The following METTL2B variants were observed in gnomAD, a reference collection of about 807,000 sequenced individuals.
METTL2B encodes the protein methyltransferase 2B, tRNA N3-cytidine.
Under a neutral mutation model 51.0 loss-of-function variants are expected in METTL2B, and 28 were observed. The observed-to-expected ratio is 0.55, with a 90% CI of 0.41 to 0.75. The LOEUF is 0.75. Ranked by LOEUF, METTL2B falls within the 30% of genes least tolerant of loss-of-function variation. The probability of loss-of-function intolerance (pLI) is 0.00; values close to 1 mark genes in which losing one functional copy is unlikely to be tolerated. For synonymous variants in METTL2B, 128 were observed against 166.3 expected (o/e 0.77, Z 1.77); for missense variants, 313 against 460.7 (o/e 0.68, Z 2.93).
In METTL2B at chr7:128,494,036, A is replaced by G. The variant is rs1290390613; in HGVS notation, c.809+93A>G. The G allele has an allele frequency of 2.0e-6, 3 of 1,482,484 alleles. No homozygotes were observed. In the African/African-American group the frequency reaches 4.2e-5, roughly 21 times the overall value. The allele number at this position is 1,482,484 out of a possible 1,614,324, so 91.8% of individuals were successfully genotyped here. Reference sequence around the variant, plus strand: ...AAATAGGGTCTTGCTCCGTCAGCCCAGGCTGGAGTGCAGTGGCACGATCAT... The same window carrying G: ...AAATAGGGTCTTGCTCCGTCAGCCCGGGCTGGAGTGCAGTGGCACGATCAT... On this transcript the variant is annotated intron_variant, in intron 6 of 8. Coordinates refer to ENST00000262432, the MANE Select transcript of METTL2B (RefSeq NM_018396.3).
At chr7:128,477,021 C>A in intron 1 of METTL2B, 61 bp from the exon 2 acceptor site, 8 of 1,562,272 alleles carry the variant, frequency 5.1e-6, no homozygotes, top group Non-Finnish European at 6.1e-6. Flanking sequence ...CCTAGGCCAG[C>A]GACTCACCCT....
At chr7:128,484,645 T>A (rs1001476506) in intron 4 of METTL2B, among the ~76,000 whole-genome samples, 1 of 152,030 alleles carries the variant, frequency 6.6e-6, no homozygotes, top group Non-Finnish European at 1.5e-5. Flanking sequence ...CGGGCTGGAG[T>A]GCAGTGGCAC....
At chr7:128,480,624 T>A in intron 3 of METTL2B, 23 bp from the exon 4 acceptor site, 1 of 1,596,920 alleles carries the variant, frequency 6.3e-7, no homozygotes. Flanking sequence ...GTTCTGTGAT[T>A]AATAGTTCAT....
chr7:128,482,571 T>C (rs61556684), intron 4 of METTL2B, among the ~76,000 whole-genome samples: 10,586 of 152,246 alleles, frequency 0.07, 774 homozygotes, highest in East Asian at 0.26. Context: ...TCTTGCTCTG[T>C]TGCCCAGGCT....
chr7:128,498,449 A>C (rs1355304538), intron 7 of METTL2B, among the ~76,000 whole-genome samples: 1 of 151,994 alleles, frequency 6.6e-6, no homozygotes, highest in East Asian at 1.9e-4. Context: ...ATATGTATCA[A>C]ACCTGTATGT....
Position 128,476,878 on chromosome 7 carries a change from A to G in METTL2B, c.110+3A>G. On this transcript the variant is annotated splice_donor_region_variant and intron_variant, in intron 1 of 8. Transcript: ENST00000262432. ...CGCGTCTTCCACCACAATGCCTGGTAATCACCCTGCCCCCTCGCCCGGCCT... is the reference window on the plus strand; with the variant it reads ...CGCGTCTTCCACCACAATGCCTGGTGATCACCCTGCCCCCTCGCCCGGCCT... The G allele has an allele frequency of 6.2e-7, 1 of 1,613,972 alleles. No individual in the cohort carries two copies. Among genetic ancestry groups the G allele is most frequent in the Non-Finnish European group, 8.5e-7 (1 of 1,179,944 alleles).
intron 6 of METTL2B, among the ~76,000 whole-genome samples, chr7:128,494,231 A>G (rs974140048): frequency 5.9e-5 from 9 of 151,994 alleles, no homozygotes; most frequent in South Asian, 2.1e-4. Context: ...GGCTCAAGCA[A>G]TCCTCCCACC....
chr7:128,501,793 A>G lies in METTL2B; in HGVS notation c.1014A>G (p.Gly338=), dbSNP rs1181937544. ...TGGACACGCTTTTCACCACTGCTGGACTGGAAAAAGTTCAGAATCTGGTGG... is the reference window on the plus strand; with the variant it reads ...TGGACACGCTTTTCACCACTGCTGGGCTGGAAAAAGTTCAGAATCTGGTGG... The part of the protein sequence containing the change: ...EELDTLFTTA[G]LEKVQNLVDR... Residue 338 remains glycine (G), a synonymous_variant, in exon 9 of 9, where the codon GGA becomes GGG. Coordinates refer to ENST00000262432, the MANE Select transcript of METTL2B (RefSeq NM_018396.3). 2 of 1,614,150 alleles carry G rather than the reference A, an allele frequency of 1.2e-6. No homozygotes were observed. Among genetic ancestry groups the G allele is most frequent in the Admixed American group, 1.7e-5 (1 of 59,994 alleles).
intron 4 of METTL2B, among the ~76,000 whole-genome samples, chr7:128,481,749 C>T (rs529214680): frequency 2.6e-5 from 4 of 152,170 alleles, no homozygotes; most frequent in Admixed American, 1.3e-4. Context: ...CTCAAGCAAT[C>T]GTCTCACCTC....
chr7:128,504,923 AC>A lies in METTL2B; in HGVS notation c.*3011del, dbSNP rs1257145281. On this transcript the variant is annotated 3_prime_UTR_variant, in exon 9 of 9. Transcript: ENST00000262432. ...AGACCAGCCTGACCAACATGGAGAA[AC>A]CCCGTCTCTACTAAAAATACAAAAT... 1.3e-5 allele frequency: 2 copies of A among 151,222 alleles called. No homozygotes were observed. Among genetic ancestry groups the A allele is most frequent in the Non-Finnish European group, 2.9e-5 (2 of 67,918 alleles). The allele number at this position is 151,222 out of a possible 1,614,324, so 9.4% of individuals were successfully genotyped here. A position where few individuals can be genotyped will look rare whatever the true frequency, so the allele number is the denominator to read the frequency against.
At chr7:128,497,195 G>C (rs1792940020) in intron 6 of METTL2B, among the ~76,000 whole-genome samples, 2 of 152,146 alleles carry the variant, frequency 1.3e-5, no homozygotes. Context: ...ACTGCATATG[G>C]AAAGCGCAGA....
At chr7:128,484,232 T>TTTTTTTTTTGTTTTTG (rs1554428850) in intron 4 of METTL2B, 3 of 83,558 alleles carry the variant, frequency 3.6e-5, no homozygotes, top group African/African-American at 1.5e-4. Flanking sequence ...TTTTTTTTTT[T>TTTTTTTTTTGTTTTTG]TTTTTTTTTT....
chr7:128,491,446 T>C (rs1792831056), intron 5 of METTL2B, among the ~76,000 whole-genome samples: 1 of 151,784 alleles, frequency 6.6e-6, no homozygotes, highest in African/African-American at 2.4e-5. Flanking sequence ...ATACAAAAAT[T>C]AGCCAGGTAT....
intron 2 of METTL2B, 50 bp from the exon 3 acceptor site, chr7:128,479,108 A>G (rs749986829): frequency 6.5e-7 from 1 of 1,532,774 alleles, no homozygotes; most frequent in South Asian, 1.2e-5. Flanking sequence ...TTAGATATAA[A>G]TAAAATATTT....
rs374382100 is a variant in METTL2B, at chr7:128,479,476, A to T, written c.521A>T (p.Glu174Val). ...AGTGACCTGGAAATTTGTGCTGATG[A>T]GTTTCCTGGATCCTCAGCCACCTAC... Reference protein sequence around the residue: ...KISDLEICADEFPGSSATYRI... With the variant: ...KISDLEICADVFPGSSATYRI... Residue 174 changes from glutamate to valine, a missense_variant, in exon 3 of 9, where the codon GAG becomes GTG. By Grantham distance (121) the Glu-to-Val change is moderately radical. Around this residue, in one of 4 missense-constraint regions of METTL2B, gnomAD observed 42 missense variants for 113.4 expected, o/e 0.37. Coordinates refer to ENST00000262432, the MANE Select transcript of METTL2B (RefSeq NM_018396.3). 1 of 1,614,030 alleles carries T rather than the reference A, an allele frequency of 6.2e-7. No homozygotes were observed. Among genetic ancestry groups the T allele is most frequent in the Non-Finnish European group, 8.5e-7 (1 of 1,179,858 alleles).
chr7:128,480,107 T>G (rs1799855083), intron 3 of METTL2B, among the ~76,000 whole-genome samples: 2 of 152,202 alleles, frequency 1.3e-5, no homozygotes, highest in Admixed American at 1.3e-4. Flanking sequence ...CTTAGACAAT[T>G]TCCTTACCCT....
chr7:128,502,087 C>A lies in METTL2B; in HGVS notation c.*171C>A. On this transcript the variant is annotated 3_prime_UTR_variant, in exon 9 of 9. Transcript: ENST00000262432. ...CAGCCTGGGCAAAATAGCGAGAGACCCTGAATCTGAAAGTAATGATAAAAT... is the reference window on the plus strand; with the variant it reads ...CAGCCTGGGCAAAATAGCGAGAGACACTGAATCTGAAAGTAATGATAAAAT... 1.3e-6 allele frequency: 1 copy of A among 785,668 alleles called. No individual in the cohort carries two copies. Among genetic ancestry groups the A allele is most frequent in the Non-Finnish European group, 2.0e-6 (1 of 511,290 alleles). 48.7% of individuals were successfully genotyped at this position (785,668 alleles called of 1,614,324 possible). A position where few individuals can be genotyped will look rare whatever the true frequency, so the allele number is the denominator to read the frequency against.
intron 7 of METTL2B, among the ~76,000 whole-genome samples, chr7:128,498,607 G>C (rs1304995364): frequency 4.6e-5 from 7 of 152,054 alleles, no homozygotes; most frequent in Non-Finnish European, 1.5e-5. Context: ...TGACAGAGTA[G>C]TATATTTTTT....
intron 5 of METTL2B, among the ~76,000 whole-genome samples, chr7:128,492,459 T>C (rs1322659801): frequency 6.6e-6 from 1 of 151,446 alleles, no homozygotes; most frequent in Non-Finnish European, 1.5e-5. Context: ...ATTTTTTTAT[T>C]TTTTGTAGAG....
Sources: gnomAD v4.1 joint callset for allele counts (sites outside exome capture counted in the v4.1 genomes callset) on GRCh38, gnomAD v4.1.1 for gene constraint, gnomAD v4.1.1 regional missense constraint, MANE v1.5 for transcripts, NCBI Gene and HGNC (gene_info 2026-07-23, HGNC 2026-07-21) for gene names.